The following HPGD variants were observed in gnomAD, a reference collection of about 807,000 sequenced individuals.
The protein encoded by HPGD is 15-hydroxyprostaglandin dehydrogenase.
Under a neutral mutation model 30.0 loss-of-function variants are expected in HPGD, and 29 were observed. The observed-to-expected ratio is 0.97, with a 90% CI of 0.72 to 1.32. HPGD has a LOEUF of 1.32. Ranked by LOEUF, HPGD falls within the 40% of genes most tolerant of loss-of-function variation. The pLI, the probability that HPGD is intolerant of heterozygous loss-of-function variation, is 0.00. For missense variants in HPGD, 340 were observed against 322.1 expected, an observed-to-expected ratio of 1.06 and a Z score of -0.43; for synonymous variants, 99 against 112.4, an observed-to-expected ratio of 0.88 and a Z score of 0.75.
At chr4:174,515,805 G>C (rs1276058239) in intron 3 of HPGD, among the ~76,000 whole-genome samples, 1 of 151,660 alleles carries the variant, frequency 6.6e-6, no homozygotes, top group Non-Finnish European at 1.5e-5. Context: ...ATTAAAAAAA[G>C]GGCAAAGGAC....
chr4:174,497,560 T>C (rs1272589272), intron 4 of HPGD, among the ~76,000 whole-genome samples: 3 of 100,848 alleles, frequency 3.0e-5, no homozygotes, highest in African/African-American at 1.0e-4. Context: ...TTTTCTTTCT[T>C]TTTCTTTCTT....
At chr4:174,500,391 T>C (rs1277976671) in intron 4 of HPGD, among the ~76,000 whole-genome samples, 4 of 152,222 alleles carry the variant, frequency 2.6e-5, no homozygotes, top group African/African-American at 9.6e-5. Context: ...ATCCAACATT[T>C]AGTTCCTTGG....
chr4:174,519,101 T>C (rs1735943059), intron 2 of HPGD, among the ~76,000 whole-genome samples: 1 of 152,232 alleles, frequency 6.6e-6, no homozygotes, highest in African/African-American at 2.4e-5. Context: ...GCCATATAGA[T>C]AAATTACTAT....
At chr4:174,503,888 A>T (rs1270038669) in intron 4 of HPGD, among the ~76,000 whole-genome samples, 1 of 151,856 alleles carries the variant, frequency 6.6e-6, no homozygotes, top group Non-Finnish European at 1.5e-5. Context: ...ACACCCAGCT[A>T]ATTTTTAAAA....
upstream of HPGD, chr4:174,522,535 G>T: frequency 1.9e-6 from 2 of 1,049,626 alleles, no homozygotes; most frequent in Non-Finnish European, 2.6e-6. Context: ...GCGCGCGCGC[G>T]CGTGCAGCCC....
chr4:174,499,688 G>A (rs1734809370), intron 4 of HPGD, among the ~76,000 whole-genome samples: 1 of 152,086 alleles, frequency 6.6e-6, no homozygotes, highest in African/African-American at 2.4e-5. Context: ...CATTTTCCTT[G>A]ATCCCTTCCT....
At position 174,508,334 on chromosome 4, in the gene HPGD, G is replaced by A. The variant is rs1198321207; in HGVS notation, c.421+362C>T. Among the ~76,000 whole-genome samples, 6 of 152,222 alleles carry A rather than the reference G, an allele frequency of 3.9e-5. No homozygotes were observed. The East Asian group carries it at 1.2e-3, about 29-fold the overall frequency. On this transcript the variant is annotated intron_variant, in intron 4 of 6. Transcript: ENST00000296522. ...ACACACTGTTACTAAAATCACATGG[G>A]AGCAGAGACATCTTAACTTCACTTT...
intron 4 of HPGD, chr4:174,508,300 T>C: frequency 1.7e-6 from 1 of 578,658 alleles, no homozygotes. Context: ...TATGCCATAT[T>C]TTAAAATTAC....
upstream of HPGD, chr4:174,522,883 A>C: frequency 6.3e-6 from 1 of 159,376 alleles, no homozygotes; most frequent in Non-Finnish European, 1.4e-5. Flanking sequence ...GGAACAAAAC[A>C]AGCAAACAAT....
intron 2 of HPGD, among the ~76,000 whole-genome samples, chr4:174,519,632 A>C (rs1170407038): frequency 6.6e-6 from 1 of 152,104 alleles, no homozygotes; most frequent in African/African-American, 2.4e-5. Context: ...TTACCTTGTG[A>C]AATTCCATCT....
At position 174,492,698 on chromosome 4, in the gene HPGD, A is replaced by G. The variant is rs1291130193; in HGVS notation, c.662+453T>C. Among the ~76,000 whole-genome samples the G allele has an allele frequency of 1.3e-5, 2 of 152,082 alleles. No individual in the cohort carries two copies. The highest frequency in any genetic ancestry group is 6.6e-5 in the Admixed American group (1 of 15,262). On this transcript the variant is annotated intron_variant, in intron 6 of 6. Transcript: ENST00000296522. This position sits in a 1 kb window ranked among gnomAD's most constrained non-coding sequence, Gnocchi z 4.9. ...TCTCAGGTCTGATTCCTTCAACATGATAACTATGATTCATGAAATCCTCAG... is the reference window on the plus strand; with the variant it reads ...TCTCAGGTCTGATTCCTTCAACATGGTAACTATGATTCATGAAATCCTCAG...
At chr4:174,502,406 C>T (rs1401030456) in intron 4 of HPGD, among the ~76,000 whole-genome samples, 1 of 151,668 alleles carries the variant, frequency 6.6e-6, no homozygotes, top group Non-Finnish European at 1.5e-5. Flanking sequence ...CGGCCGGGCG[C>T]GGTGGCTGAC....
chr4:174,490,207 C>G lies in HPGD; in HGVS notation c.*1749G>C, dbSNP rs1273752677. The G allele has an allele frequency of 6.6e-6, 1 of 152,270 alleles. No homozygotes were observed. Among genetic ancestry groups the G allele is most frequent in the Non-Finnish European group, 1.5e-5 (1 of 68,004 alleles). 9.4% of individuals were successfully genotyped at this position (152,270 alleles called of 1,614,324 possible). A position where few individuals can be genotyped will look rare whatever the true frequency, so the allele number is the denominator to read the frequency against. ...CCCCTAACTTCAGTTTAATTATTTT[C>G]TCAATCAGTATACACCAGAGATGCC... On this transcript the variant is annotated 3_prime_UTR_variant, in exon 7 of 7. Coordinates refer to ENST00000296522, the MANE Select transcript of HPGD (RefSeq NM_000860.6). The surrounding 1 kb of genome is among the most constrained non-coding windows in gnomAD (Gnocchi z 4.4).
At chr4:174,522,660 A>G, upstream of HPGD, 1 of 471,090 alleles carries the variant, frequency 2.1e-6, no homozygotes, top group East Asian at 3.6e-5. Context: ...AAGCTTCGCG[A>G]TCTTTGCCTT....
chr4:174,521,806 C>A, intron 2 of HPGD, 138 bp downstream of exon 2: 1 of 974,056 alleles, frequency 1.0e-6, no homozygotes, highest in African/African-American at 1.6e-5. Context: ...TCAGTCCAAA[C>A]TGTCTTTTGG....
chr4:174,513,375 G>A (rs1420098816), intron 3 of HPGD, among the ~76,000 whole-genome samples: 2 of 151,724 alleles, frequency 1.3e-5, no homozygotes, highest in African/African-American at 4.8e-5. Flanking sequence ...CAAAATTTTT[G>A]TTTTATCAGG....
chr4:174,501,516 T>C (rs1734898060), intron 4 of HPGD, among the ~76,000 whole-genome samples: 1 of 152,172 alleles, frequency 6.6e-6, no homozygotes, highest in Non-Finnish European at 1.5e-5. Context: ...CAAGTTTATT[T>C]ATAGAAATAC....
intron 3 of HPGD, among the ~76,000 whole-genome samples, chr4:174,515,072 G>A (rs1422094298): frequency 6.6e-6 from 1 of 152,070 alleles, no homozygotes; most frequent in African/African-American, 2.4e-5. Flanking sequence ...AATCAATATT[G>A]TTAAAATGGC....
chr4:174,518,092 A>G lies in HPGD; in HGVS notation c.218-15T>C. The G allele has an allele frequency of 8.5e-7, 1 of 1,183,086 alleles. No homozygotes were observed. Among genetic ancestry groups the G allele is most frequent in the Non-Finnish European group, 1.3e-6 (1 of 789,412 alleles). 73.3% of individuals were successfully genotyped at this position (1,183,086 alleles called of 1,614,324 possible). On this transcript the variant is annotated splice_polypyrimidine_tract_variant and intron_variant, in intron 2 of 6. Coordinates refer to ENST00000296522, the MANE Select transcript of HPGD (RefSeq NM_000860.6). ...TCTAAAAGTGTCTAATTATAAAACA[A>G]GATATTAGTGATACATTCTTATTTT...
Sources: gnomAD v4.1 joint callset for allele counts (sites outside exome capture counted in the v4.1 genomes callset) on GRCh38, gnomAD v4.1.1 for gene constraint, Gnocchi (gnomAD v3.1) non-coding constraint, MANE v1.5 for transcripts, NCBI Gene and HGNC (gene_info 2026-07-23, HGNC 2026-07-21) for gene names.